The following TAB2 variants were observed in gnomAD, a reference collection of about 807,000 sequenced individuals.
TAB2 encodes TGF-beta activated kinase 1 (MAP3K7) binding protein 2.
TAB2 carries 3 observed loss-of-function variants against 65.0 expected under a neutral mutation model. The ratio of observed to expected loss-of-function variants is 0.05; its 90% CI spans 0.02 to 0.12. The LOEUF is 0.12. Among genes scored for constraint, TAB2 ranks in the 10% least tolerant of loss-of-function variants. The probability of loss-of-function intolerance (pLI) is 1.00; values close to 1 mark genes in which losing one functional copy is unlikely to be tolerated. For synonymous variants in TAB2, 298 were observed against 285.1 expected, an observed-to-expected ratio of 1.05 and a Z score of -0.46; for missense variants, 623 against 840.3, an observed-to-expected ratio of 0.74 and a Z score of 3.20.
intron 1 of TAB2, among the ~76,000 whole-genome samples, chr6:149,309,199 A>T (rs576227): frequency 6.6e-6 from 1 of 151,812 alleles, no homozygotes; most frequent in Non-Finnish European, 1.5e-5. Flanking sequence ...TATACTTCAC[A>T]TATCAAGATT....
At chr6:149,305,111 G>T (rs1779038900) in intron 1 of TAB2, among the ~76,000 whole-genome samples, 1 of 152,014 alleles carries the variant, frequency 6.6e-6, no homozygotes, top group Non-Finnish European at 1.5e-5. Context: ...TCTACAATTG[G>T]TTGGATCTGT....
At chr6:149,269,185 T>C (rs1424626948) in intron 1 of TAB2, among the ~76,000 whole-genome samples, 1 of 152,220 alleles carries the variant, frequency 6.6e-6, no homozygotes, top group Non-Finnish European at 1.5e-5. Flanking sequence ...AAAAGCTGTT[T>C]CATTAGCCTT....
chr6:149,398,560 T>G (rs1328855007), intron 5 of TAB2, among the ~76,000 whole-genome samples: 1 of 152,188 alleles, frequency 6.6e-6, no homozygotes, highest in Non-Finnish European at 1.5e-5. Context: ...TTATTTTTAT[T>G]CTTTTTAAAT....
At chr6:149,343,497 T>G in intron 1 of TAB2, among the ~76,000 whole-genome samples, 1 of 152,182 alleles carries the variant, frequency 6.6e-6, no homozygotes, top group Middle Eastern at 3.4e-3. Context: ...GGTTAATATA[T>G]TCTTCAGTAA....
At chr6:149,314,828 G>T (rs1159774135), upstream of TAB2, among the ~76,000 whole-genome samples, 3 of 150,364 alleles carry the variant, frequency 2.0e-5, no homozygotes, top group African/African-American at 4.9e-5. Context: ...GACCTTACTA[G>T]ACTAAAAAGC....
At chr6:149,309,169 G>A (rs1478430222) in intron 1 of TAB2, among the ~76,000 whole-genome samples, 1 of 151,988 alleles carries the variant, frequency 6.6e-6, no homozygotes, top group Non-Finnish European at 1.5e-5. Context: ...ATTCCTTCGT[G>A]ATAGATGATA....
At chr6:149,255,942 A>G (rs961551463) in intron 1 of TAB2, among the ~76,000 whole-genome samples, 1 of 152,202 alleles carries the variant, frequency 6.6e-6, no homozygotes, top group Non-Finnish European at 1.5e-5. Flanking sequence ...GGGCAGGAAA[A>G]AGGAGAAAAA....
intron 2 of TAB2, 133 bp downstream of exon 2, chr6:149,370,232 C>T: frequency 1.2e-6 from 1 of 844,860 alleles, no homozygotes; most frequent in Non-Finnish European, 1.9e-6. Context: ...GCTTTGGTGT[C>T]TGATAGTCAT....
Position 149,400,352 on chromosome 6 carries a change from CT to C in TAB2, c.1939+1172del, listed in dbSNP as rs774641619. 63 of 1,602,692 alleles carry C rather than the reference CT, an allele frequency of 3.9e-5. No individual in the cohort carries two copies. The African/African-American group carries it at 7.5e-4, about 19-fold the overall frequency. ...CTCGTTAGGTGCGGACCCGCCACCT[CT>C]TTTGTGAAGCAGCAGCTGAGGAGAC... On this transcript the variant is annotated intron_variant, in intron 6 of 6. Coordinates refer to ENST00000637181, the MANE Select transcript of TAB2 (RefSeq NM_001292034.3).
At chr6:149,284,212 C>A (rs933101204) in intron 1 of TAB2, among the ~76,000 whole-genome samples, 5 of 152,144 alleles carry the variant, frequency 3.3e-5, no homozygotes, top group Admixed American at 1.3e-4. Flanking sequence ...TGTGCTGCAG[C>A]AACACCAAAA....
intron 1 of TAB2, among the ~76,000 whole-genome samples, chr6:149,312,268 A>G (rs1779178464): frequency 6.6e-6 from 1 of 152,212 alleles, no homozygotes; most frequent in African/African-American, 2.4e-5. Flanking sequence ...TACCTCATTT[A>G]TGTTAGAGAA....
chr6:149,404,541 C>G (rs1369154128), intron 6 of TAB2, among the ~76,000 whole-genome samples: 1 of 152,104 alleles, frequency 6.6e-6, no homozygotes, highest in Non-Finnish European at 1.5e-5. Flanking sequence ...AAAAATATTA[C>G]AAAGTTATAG....
chr6:149,277,280 G>A (rs1358602813), intron 1 of TAB2, among the ~76,000 whole-genome samples: 3 of 152,124 alleles, frequency 2.0e-5, no homozygotes, highest in Non-Finnish European at 4.4e-5. Flanking sequence ...GATTGAAAAT[G>A]TCTATAAATG....
intron 1 of TAB2, among the ~76,000 whole-genome samples, chr6:149,357,173 T>G (rs886968486): frequency 2.6e-5 from 4 of 152,100 alleles, no homozygotes; most frequent in Non-Finnish European, 5.9e-5. Context: ...ATCCCAGCAC[T>G]TTGGGAGGCT....
upstream of TAB2, among the ~76,000 whole-genome samples, chr6:149,315,424 G>A (rs547201495): frequency 6.6e-6 from 1 of 152,036 alleles, no homozygotes; most frequent in African/African-American, 2.4e-5. Flanking sequence ...TTTCTGAACC[G>A]TTTGGGAGAA....
chr6:149,316,206 G>C (rs1043752172), upstream of TAB2, among the ~76,000 whole-genome samples: 7 of 152,106 alleles, frequency 4.6e-5, no homozygotes, highest in Admixed American at 1.3e-4. Flanking sequence ...TCTCTTAATG[G>C]TATCACCAAT....
At position 149,344,267 on chromosome 6, in the gene TAB2, AT is replaced by A. The variant is rs1215368466; in HGVS notation, c.-89-25637del. On this transcript the variant is annotated intron_variant, in intron 1 of 6. Coordinates refer to ENST00000637181, the MANE Select transcript of TAB2 (RefSeq NM_001292034.3). ...TTTCAGTGGTGCTATTAATGGTGAA[AT>A]TTTTCTCCATTATTCAATGTAAATA... Among the ~76,000 whole-genome samples the A allele has an allele frequency of 2.6e-5, 4 of 152,250 alleles. No individual in the cohort carries two copies. The East Asian group carries it at 7.7e-4, about 29-fold the overall frequency.
chr6:149,218,484 G>T (rs7748668), upstream of TAB2: 7,687 of 158,462 alleles, frequency 0.049, 540 homozygotes, highest in African/African-American at 0.15. Context: ...CCTGAAAAGA[G>T]AATCCAAGTC....
chr6:149,336,633 C>T (rs953759217), intron 1 of TAB2, among the ~76,000 whole-genome samples: 1 of 151,948 alleles, frequency 6.6e-6, no homozygotes, highest in African/African-American at 2.4e-5. Flanking sequence ...TGGGCTGAAG[C>T]AGGATAAAAA....
Sources: allele counts gnomAD v4.1 joint callset (sites outside exome capture counted in the v4.1 genomes callset), GRCh38; gene constraint gnomAD v4.1.1; transcripts MANE v1.5; gene names NCBI Gene and HGNC (gene_info 2026-07-23, HGNC 2026-07-21).